DOCK5: variants seen among roughly 807,000 people sequenced by gnomAD.
DOCK5 encodes dedicator of cytokinesis 5, also known as dedicator of cytokinesis protein 5.
Under a neutral mutation model 251.8 loss-of-function variants are expected in DOCK5, and 142 were observed. The ratio of observed to expected loss-of-function variants is 0.56; its 90% CI spans 0.49 to 0.65. DOCK5 has a LOEUF of 0.65. DOCK5 is among the 30% of genes least tolerant of loss of function. The probability of loss-of-function intolerance (pLI) is 0.00; values close to 1 mark genes in which losing one functional copy is unlikely to be tolerated. For synonymous variants in DOCK5, 842 were observed against 835.5 expected, an observed-to-expected ratio of 1.01 and a Z score of -0.13; for missense variants, 2,111 against 2,312.3, an observed-to-expected ratio of 0.91 and a Z score of 1.79.
intron 1 of DOCK5, among the ~76,000 whole-genome samples, chr8:25,236,925 GAT>G (rs1285349013): frequency 6.6e-6 from 1 of 152,076 alleles, no homozygotes; most frequent in Non-Finnish European, 1.5e-5. Flanking sequence ...TATTATGAAT[GAT>G]ATATGTCTCC....
chr8:25,344,830 G>A (rs1321050336), intron 25 of DOCK5, among the ~76,000 whole-genome samples: 1 of 152,234 alleles, frequency 6.6e-6, no homozygotes, highest in Non-Finnish European at 1.5e-5. Context: ...TTGAGCAGAA[G>A]AGCAAGCATG....
intron 1 of DOCK5, among the ~76,000 whole-genome samples, chr8:25,199,239 T>C (rs1801813465): frequency 6.6e-6 from 1 of 152,236 alleles, no homozygotes; most frequent in Non-Finnish European, 1.5e-5. Flanking sequence ...TAAAGGATTA[T>C]GTTAGTAACC....
rs1018208352 is a variant in DOCK5, at chr8:25,248,028, C to G, written c.127+4271C>G. ...CTGTTCTTTAAAAGTAAGCGCATGT[C>G]AAGGCGTGAAGGGGAGGGAGGTTGA... On this transcript the variant is annotated intron_variant, in intron 2 of 51. Coordinates refer to ENST00000276440, the MANE Select transcript of DOCK5 (RefSeq NM_024940.8). Among the ~76,000 whole-genome samples the G allele has an allele frequency of 3.3e-5, 5 of 152,156 alleles. 1 individual carries two copies. The South Asian group carries it at 1.0e-3, about 31-fold the overall frequency.
In DOCK5 at chr8:25,310,508, G is replaced by A; in HGVS notation, c.1294G>A (p.Gly432Ser). The A allele has an allele frequency of 6.2e-7, 1 of 1,611,906 alleles. No homozygotes were observed. The highest frequency in any genetic ancestry group is 8.5e-7 in the Non-Finnish European group (1 of 1,179,062). Residue 432 changes from glycine to serine, a missense_variant, in exon 13 of 52, where the codon GGC becomes AGC. This residue lies in a region of DOCK5 where 1,717 missense variants were observed against 1,892.4 expected (regional missense o/e 0.91). Transcript: ENST00000276440. ...DRSTAIARKM[G>S]FPEIILPGDV... ...ATCAACAGCAATAGCCCGGAAGATG[G>A]GCTTTCCTGAAATCATACTGCCAGG...
At chr8:25,278,756 C>T in intron 5 of DOCK5, 91 bp downstream of exon 5, 1 of 1,161,408 alleles carries the variant, frequency 8.6e-7, no homozygotes, top group Non-Finnish European at 1.3e-6. Context: ...TTATTGCTGA[C>T]TTCATGGAGT....
intron 37 of DOCK5, chr8:25,374,873 C>T (rs1181491288): frequency 7.3e-7 from 1 of 1,372,834 alleles, no homozygotes; most frequent in East Asian, 3.0e-5. Context: ...GAAAGCAGAG[C>T]ACGACTTATG....
intron 2 of DOCK5, among the ~76,000 whole-genome samples, chr8:25,255,499 A>G (rs1803397134): frequency 6.6e-6 from 1 of 152,210 alleles, no homozygotes; most frequent in Non-Finnish European, 1.5e-5. Flanking sequence ...GATGGTAAAA[A>G]GATTCGTGGT....
In DOCK5 at chr8:25,205,659, T is replaced by C. The variant is rs142331414; in HGVS notation, c.43+20708T>C. 2.3e-4 allele frequency among the ~76,000 whole-genome samples: 35 copies of C among 152,290 alleles called. No individual in the cohort carries two copies. The East Asian group carries it at 6.8e-3, about 29-fold the overall frequency. On this transcript the variant is annotated intron_variant, in intron 1 of 51. Transcript: ENST00000276440. ...TTTAGCAGCCTTCTGGCCTTGAAAATCCTGCTGTTGCTGATTCAGTTGTCA... is the reference window on the plus strand; with the variant it reads ...TTTAGCAGCCTTCTGGCCTTGAAAACCCTGCTGTTGCTGATTCAGTTGTCA...
intron 1 of DOCK5, among the ~76,000 whole-genome samples, chr8:25,224,159 C>G (rs1802461097): frequency 6.6e-6 from 1 of 152,122 alleles, no homozygotes; most frequent in Non-Finnish European, 1.5e-5. Context: ...TGCTCTCTTG[C>G]CCAGGCTAGA....
At chr8:25,351,987 G>A (rs1233769363) in intron 27 of DOCK5, among the ~76,000 whole-genome samples, 161 bp downstream of exon 27, 2 of 152,004 alleles carry the variant, frequency 1.3e-5, no homozygotes, top group Non-Finnish European at 2.9e-5. Context: ...TTCTGACATG[G>A]ATTTTCTGTT....
At chr8:25,332,875 CTTTG>C (rs1285048971) in intron 20 of DOCK5, among the ~76,000 whole-genome samples, 183 bp downstream of exon 20, 2 of 152,110 alleles carry the variant, frequency 1.3e-5, no homozygotes, top group African/African-American at 2.4e-5. Context: ...TATTTCAGGC[CTTTG>C]TTTGTTTCCT....
rs1469550762 is a variant in DOCK5, at chr8:25,222,667, C to G, written c.44-21007C>G. Reference sequence around the variant, plus strand: ...GAAATCCTTTCTTCCTTTCTAATCTCCCTTTCTTCCATCTGTTCCTCGCCT... The same window carrying G: ...GAAATCCTTTCTTCCTTTCTAATCTGCCTTTCTTCCATCTGTTCCTCGCCT... On this transcript the variant is annotated intron_variant, in intron 1 of 51. Coordinates refer to ENST00000276440, the MANE Select transcript of DOCK5 (RefSeq NM_024940.8). Among the ~76,000 whole-genome samples the G allele has an allele frequency of 2.0e-5, 3 of 152,172 alleles. No individual in the cohort carries two copies. The East Asian group carries it at 5.8e-4, about 29-fold the overall frequency.
chr8:25,368,134 G>C, intron 31 of DOCK5, 58 bp from the exon 32 acceptor site: 1 of 1,341,812 alleles, frequency 7.5e-7, no homozygotes, highest in Non-Finnish European at 1.1e-6. Flanking sequence ...TTCTTATTGT[G>C]TTTATGCAAT....
At chr8:25,391,839 G>C (rs1181047067) in intron 42 of DOCK5, 57 bp from the exon 43 acceptor site, 1 of 1,530,752 alleles carries the variant, frequency 6.5e-7, no homozygotes, top group East Asian at 2.3e-5. Context: ...TTGAAGTCAA[G>C]TCAAGCAGTG....
intron 37 of DOCK5, chr8:25,376,138 G>A (rs1800959617): frequency 1.0e-6 from 1 of 978,870 alleles, no homozygotes; most frequent in Non-Finnish European, 1.2e-6. Flanking sequence ...ACTGTATATA[G>A]CTTAGAAAGT....
chr8:25,197,067 G>A (rs771289546), intron 1 of DOCK5, among the ~76,000 whole-genome samples: 5 of 151,880 alleles, frequency 3.3e-5, no homozygotes, highest in Admixed American at 2.6e-4. Flanking sequence ...AAGAAAAATC[G>A]TTTTCCCCTT....
At chr8:25,335,175 A>T (rs1318143115) in intron 21 of DOCK5, among the ~76,000 whole-genome samples, 1 of 152,220 alleles carries the variant, frequency 6.6e-6, no homozygotes, top group East Asian at 1.9e-4. Context: ...TCTTCTTATG[A>T]CAGTGGCTTA....
chr8:25,281,009 G>C, intron 5 of DOCK5, among the ~76,000 whole-genome samples: 1 of 150,696 alleles, frequency 6.6e-6, no homozygotes, highest in Non-Finnish European at 1.5e-5. Flanking sequence ...TGAGACTGGA[G>C]AGTATGAGTG....
chr8:25,299,161 C>T, intron 8 of DOCK5, 60 bp downstream of exon 8: 1 of 1,563,628 alleles, frequency 6.4e-7, no homozygotes, highest in Non-Finnish European at 8.7e-7. Flanking sequence ...CTTCCCCTGA[C>T]CCCTACCCGG....
Sources: gnomAD v4.1 joint callset for allele counts (sites outside exome capture counted in the v4.1 genomes callset) on GRCh38, gnomAD v4.1.1 for gene constraint, gnomAD v4.1.1 regional missense constraint, MANE v1.5 for transcripts, NCBI Gene and HGNC (gene_info 2026-07-23, HGNC 2026-07-21) for gene names.